CHST9: variants seen among roughly 807,000 people sequenced by gnomAD.
CHST9 encodes GalNAc-4-sulfotransferase 2.
Under a neutral mutation model 44.4 loss-of-function variants are expected in CHST9, and 41 were observed. That is an observed-to-expected ratio of 0.92 (90% confidence interval 0.72 to 1.20). CHST9 has a LOEUF of 1.20. Ranked by LOEUF, CHST9 falls within the 50% of genes most tolerant of loss-of-function variation. CHST9 has a pLI of 0.00. For missense variants in CHST9, 504 were observed against 516.5 expected, an observed-to-expected ratio of 0.98 and a Z score of 0.23; for synonymous variants, 171 against 178.4, an observed-to-expected ratio of 0.96 and a Z score of 0.33.
chr18:26,973,133 T>C (rs1286795043), intron 4 of CHST9, among the ~76,000 whole-genome samples: 1 of 152,202 alleles, frequency 6.6e-6, no homozygotes, highest in Non-Finnish European at 1.5e-5. Context: ...CCTCTCCTGT[T>C]TATCGTTGGT....
chr18:27,133,414 C>T (rs2058488490), intron 2 of CHST9, among the ~76,000 whole-genome samples: 1 of 152,090 alleles, frequency 6.6e-6, no homozygotes, highest in Non-Finnish European at 1.5e-5. Flanking sequence ...CAGGGGACAG[C>T]ACGTAAGAAT....
chr18:27,137,194 T>C (rs2058520520), intron 2 of CHST9, among the ~76,000 whole-genome samples: 2 of 151,570 alleles, frequency 1.3e-5, no homozygotes, highest in African/African-American at 2.4e-5. Flanking sequence ...GATTGATTTA[T>C]ACATATAATG....
intron 1 of CHST9, among the ~76,000 whole-genome samples, chr18:27,152,759 G>A (rs2058668719): frequency 6.6e-6 from 1 of 151,868 alleles, no homozygotes; most frequent in East Asian, 1.9e-4. Context: ...TTTAAAGGGA[G>A]CCTTTTAAAA....
intron 2 of CHST9, among the ~76,000 whole-genome samples, chr18:27,084,627 G>T (rs759369225): frequency 6.6e-6 from 1 of 151,288 alleles, no homozygotes; most frequent in Non-Finnish European, 1.5e-5. Context: ...CTTTTGTATG[G>T]TTTTTTTGGT....
intron 2 of CHST9, among the ~76,000 whole-genome samples, chr18:27,050,752 TAA>T (rs1048042161): frequency 4.6e-5 from 7 of 152,206 alleles, no homozygotes; most frequent in African/African-American, 1.7e-4. Flanking sequence ...CCTTCTCATT[TAA>T]GTTTTCCACT....
intron 2 of CHST9, among the ~76,000 whole-genome samples, chr18:27,082,726 A>C (rs1160110312): frequency 6.6e-6 from 1 of 152,102 alleles, no homozygotes; most frequent in Non-Finnish European, 1.5e-5. Flanking sequence ...AAAAGATATA[A>C]CTTTGTGCAT....
intron 5 of CHST9, among the ~76,000 whole-genome samples, chr18:26,919,459 A>T (rs1415705549): frequency 6.6e-6 from 1 of 152,182 alleles, no homozygotes; most frequent in African/African-American, 2.4e-5. Flanking sequence ...ACATGCATGG[A>T]AAGTACTTAG....
chr18:27,044,182 TA>T (rs2057474831), intron 3 of CHST9, among the ~76,000 whole-genome samples: 1 of 152,120 alleles, frequency 6.6e-6, no homozygotes, highest in Admixed American at 6.6e-5. Context: ...CATCATTCTC[TA>T]AAAGGCACTC....
chr18:27,039,207 A>G (rs976033083), intron 3 of CHST9, among the ~76,000 whole-genome samples: 16 of 152,168 alleles, frequency 1.1e-4, no homozygotes, highest in African/African-American at 3.9e-4. Flanking sequence ...CTGAAGAGAT[A>G]TATTTGTACA....
chr18:27,008,924 T>C (rs891322150), intron 4 of CHST9, among the ~76,000 whole-genome samples: 1 of 151,548 alleles, frequency 6.6e-6, no homozygotes, highest in Non-Finnish European at 1.5e-5. Context: ...TTTTTTTTTT[T>C]CCTTTCCTTT....
In CHST9 at chr18:26,911,853, T is replaced by G. The variant is rs1004502135; in HGVS notation, c.*4406A>C. The G allele has an allele frequency of 4.7e-5, 3 of 63,680 alleles. No individual in the cohort carries two copies. Among genetic ancestry groups the G allele is most frequent in the Non-Finnish European group, 9.0e-5 (3 of 33,334 alleles). 3.9% of individuals were successfully genotyped at this position (63,680 alleles called of 1,614,324 possible). A position where few individuals can be genotyped will look rare whatever the true frequency, so the allele number is the denominator to read the frequency against. On this transcript the variant is annotated 3_prime_UTR_variant, in exon 6 of 6. Coordinates refer to ENST00000618847, the MANE Select transcript of CHST9 (RefSeq NM_031422.6). ...TAGCAAGAGCTTATTTATTTTCACC[T>G]GGTTTCATGGTGTTTTTTCAGTCGG...
chr18:26,946,319 G>C (rs371973282), intron 4 of CHST9, among the ~76,000 whole-genome samples: 1 of 152,146 alleles, frequency 6.6e-6, no homozygotes. Flanking sequence ...CAAGAAGAGG[G>C]GGGAGAACTT....
At chr18:27,128,330 C>T (rs1171949672) in intron 2 of CHST9, among the ~76,000 whole-genome samples, 4 of 152,092 alleles carry the variant, frequency 2.6e-5, no homozygotes, top group South Asian at 2.1e-4. Context: ...ACTGCAGTGG[C>T]GCGATCTTGG....
intron 2 of CHST9, among the ~76,000 whole-genome samples, chr18:27,070,624 T>C (rs1319787349): frequency 1.3e-5 from 2 of 152,252 alleles, no homozygotes; most frequent in Non-Finnish European, 2.9e-5. Flanking sequence ...ACTTACCATA[T>C]GTCAGGTACT....
chr18:27,108,557 A>C (rs2058242659), intron 2 of CHST9, among the ~76,000 whole-genome samples: 3 of 152,328 alleles, frequency 2.0e-5, no homozygotes, highest in Middle Eastern at 6.8e-3. Context: ...AGGAAGAATG[A>C]AAAGAAAAAA....
rs116365665 is a variant in CHST9, at chr18:27,110,339, C to T, written c.121+32350G>A. On this transcript the variant is annotated intron_variant, in intron 2 of 5. Coordinates refer to ENST00000618847, the MANE Select transcript of CHST9 (RefSeq NM_031422.6). ...CTCTTTCTGTTCCTTTTATAGTTTT[C>T]GGATTCCCTGACATTTCTGTATTAA... 3.4e-3 allele frequency among the ~76,000 whole-genome samples: 511 copies of T among 151,542 alleles called. 3 individuals are homozygous for T. Among genetic ancestry groups the T allele is most frequent in the African/African-American group, 0.012 (487 of 41,284 alleles).
At chr18:27,152,319 A>G (rs1254399313) in intron 1 of CHST9, among the ~76,000 whole-genome samples, 1 of 149,816 alleles carries the variant, frequency 6.7e-6, no homozygotes, top group African/African-American at 2.5e-5. Context: ...CATATTTTAC[A>G]TTCTAGTATT....
chr18:27,065,025 T>C (rs531823719), intron 2 of CHST9, among the ~76,000 whole-genome samples: 6 of 152,328 alleles, frequency 3.9e-5, no homozygotes, highest in African/African-American at 1.4e-4. Flanking sequence ...AGAACAGCCG[T>C]CGCCTGAAGC....
chr18:27,106,556 C>T (rs1007137622), intron 2 of CHST9, among the ~76,000 whole-genome samples: 7 of 152,238 alleles, frequency 4.6e-5, no homozygotes, highest in African/African-American at 1.2e-4. Context: ...AAGCTTTCCC[C>T]CTTCTAGATT....
Sources: allele counts gnomAD v4.1 joint callset (sites outside exome capture counted in the v4.1 genomes callset), GRCh38; gene constraint gnomAD v4.1.1; transcripts MANE v1.5; gene names NCBI Gene and HGNC (gene_info 2026-07-23, HGNC 2026-07-21).